Variants in ZNF521 observed in about 807,000 individuals in gnomAD.
The protein encoded by ZNF521 is zinc finger protein 521, also known as LYST-interacting protein 3.
In ZNF521, 14 loss-of-function variants were observed where a neutral mutation model predicts 105.5. That is an observed-to-expected ratio of 0.13 (90% CI 0.09 to 0.21). ZNF521 has a LOEUF of 0.21. Among genes scored for constraint, ZNF521 ranks in the 10% least tolerant of loss-of-function variants. ZNF521 has a pLI of 1.00. For synonymous variants in ZNF521, 635 were observed against 606.0 expected, an observed-to-expected ratio of 1.05 and a Z score of -0.70; for missense variants, 1,233 against 1,629.7, an observed-to-expected ratio of 0.76 and a Z score of 4.19.
chr18:25,313,052 G>A (rs895892726), intron 3 of ZNF521, among the ~76,000 whole-genome samples: 4 of 152,050 alleles, frequency 2.6e-5, no homozygotes, highest in East Asian at 3.9e-4. Context: ...GTACATTATC[G>A]TGCAGGAGAG....
intron 2 of ZNF521, among the ~76,000 whole-genome samples, chr18:25,335,801 G>T (rs1017602700): frequency 6.6e-6 from 1 of 152,172 alleles, no homozygotes. Flanking sequence ...TAAAAGAAAA[G>T]ATAGTGTCTA....
chr18:25,214,027 G>A (rs1176391451), intron 4 of ZNF521, among the ~76,000 whole-genome samples: 1 of 151,830 alleles, frequency 6.6e-6, no homozygotes, highest in Non-Finnish European at 1.5e-5. Context: ...ATACTGCTTG[G>A]TGAAATTTCA....
At chr18:25,080,159 T>G (rs1387369431) in intron 7 of ZNF521, among the ~76,000 whole-genome samples, 2 of 152,212 alleles carry the variant, frequency 1.3e-5, no homozygotes, top group Non-Finnish European at 2.9e-5. Context: ...TTGGCCCTCC[T>G]ATGGGAAAGC....
intron 3 of ZNF521, among the ~76,000 whole-genome samples, chr18:25,312,469 G>A (rs1600292069): frequency 6.6e-6 from 1 of 152,254 alleles, no homozygotes; most frequent in East Asian, 1.9e-4. Context: ...TGATTGAACT[G>A]ACCTTACCTC....
At chr18:25,116,870 C>CGT (rs1491466384) in intron 5 of ZNF521, among the ~76,000 whole-genome samples, 1 of 78,634 alleles carries the variant, frequency 1.3e-5, no homozygotes, top group African/African-American at 5.1e-5. Context: ...TATATATATA[C>CGT]GTATATATAT....
intron 5 of ZNF521, among the ~76,000 whole-genome samples, chr18:25,127,455 T>C (rs926673445): frequency 2.0e-5 from 3 of 152,008 alleles, no homozygotes; most frequent in Admixed American, 6.6e-5. Flanking sequence ...ATAATAACTT[T>C]AGGATGTTAG....
chr18:25,221,162 C>A (rs934198302), intron 4 of ZNF521, among the ~76,000 whole-genome samples: 1 of 152,130 alleles, frequency 6.6e-6, no homozygotes, highest in Non-Finnish European at 1.5e-5. Context: ...ACAAAGAAAA[C>A]ATTTTTCACA....
intron 4 of ZNF521, among the ~76,000 whole-genome samples, chr18:25,200,494 T>C (rs1032622636): frequency 6.6e-6 from 1 of 152,118 alleles, no homozygotes; most frequent in Admixed American, 6.6e-5. Flanking sequence ...CTCACTTATG[T>C]ACTCAATTCT....
intron 3 of ZNF521, among the ~76,000 whole-genome samples, chr18:25,318,943 GAAAAAAAAGAAAA>G (rs150761555): frequency 0.26 from 36,044 of 136,570 alleles, 4,943 homozygotes; most frequent in South Asian, 0.39. Flanking sequence ...AGAACCAGGA[GAAAAAAAAGAAAA>G]AAAAAAAAGA....
intron 5 of ZNF521, among the ~76,000 whole-genome samples, chr18:25,149,330 T>C (rs768252082): frequency 1.3e-5 from 2 of 152,214 alleles, no homozygotes; most frequent in Non-Finnish European, 2.9e-5. Context: ...TCTTTCCTCA[T>C]AGAACTTTCC....
intron 3 of ZNF521, among the ~76,000 whole-genome samples, chr18:25,272,350 G>A (rs753697818): frequency 6.6e-6 from 1 of 152,204 alleles, no homozygotes; most frequent in Non-Finnish European, 1.5e-5. Context: ...GGAAGACAGT[G>A]TAGCGATTCC....
intron 2 of ZNF521, among the ~76,000 whole-genome samples, chr18:25,341,107 G>A (rs1215902499): frequency 6.6e-6 from 1 of 152,048 alleles, no homozygotes; most frequent in Non-Finnish European, 1.5e-5. Flanking sequence ...AGACCATCAA[G>A]ACACCCAATA....
chr18:25,260,132 C>T (rs546334923), intron 3 of ZNF521, among the ~76,000 whole-genome samples: 1 of 152,172 alleles, frequency 6.6e-6, no homozygotes, highest in African/African-American at 2.4e-5. Context: ...TCCAAGACAA[C>T]ATAATAGTAA....
Position 25,350,821 on chromosome 18 carries a change from G to C in ZNF521, c.40+86C>G, listed in dbSNP as rs1044583346. The C allele has an allele frequency of 1.4e-5, 20 of 1,451,092 alleles. No individual in the cohort carries two copies. The Admixed American group carries it at 2.6e-4, about 19-fold the overall frequency. 89.9% of individuals were successfully genotyped at this position (1,451,092 alleles called of 1,614,324 possible). A position where few individuals can be genotyped will look rare whatever the true frequency, so the allele number is the denominator to read the frequency against. On this transcript the variant is annotated intron_variant, in intron 2 of 7. Transcript: ENST00000361524. The stretch of plus-strand genomic sequence containing the variant: ...CACACTCACACTCACGCGCGCACAC[G>C]CCTCGCAGCCACGCAGCCCTCGCTC...
intron 3 of ZNF521, among the ~76,000 whole-genome samples, chr18:25,320,852 G>C (rs538683012): frequency 2.2e-4 from 33 of 152,170 alleles, no homozygotes; most frequent in African/African-American, 7.9e-4. Context: ...AATGTTTATG[G>C]GTTTTCTGAA....
At chr18:25,119,324 C>G (rs4508490) in intron 5 of ZNF521, among the ~76,000 whole-genome samples, 1 of 152,078 alleles carries the variant, frequency 6.6e-6, no homozygotes, top group Non-Finnish European at 1.5e-5. Flanking sequence ...CTTGACCTAA[C>G]TGATAGCTAC....
chr18:25,351,967 A>AG, intron 1 of ZNF521, 38 bp downstream of exon 1: 1 of 366,748 alleles, frequency 2.7e-6, no homozygotes, highest in Non-Finnish European at 5.6e-6. Flanking sequence ...CAGGAGGAGG[A>AG]GAAGGAGTGT....
intron 3 of ZNF521, among the ~76,000 whole-genome samples, chr18:25,307,070 C>T (rs1031328153): frequency 6.6e-6 from 1 of 152,242 alleles, no homozygotes; most frequent in Admixed American, 6.5e-5. Flanking sequence ...AGAGACACAA[C>T]TAATCAATTA....
intron 5 of ZNF521, among the ~76,000 whole-genome samples, chr18:25,118,916 A>C (rs1191322619): frequency 1.3e-5 from 2 of 152,154 alleles, no homozygotes; most frequent in African/African-American, 4.8e-5. Context: ...AGTTGAAAGC[A>C]AATGGATGGA....
Sources: gnomAD v4.1 joint callset for allele counts (sites outside exome capture counted in the v4.1 genomes callset) on GRCh38, gnomAD v4.1.1 for gene constraint, MANE v1.5 for transcripts, NCBI Gene and HGNC (gene_info 2026-07-23, HGNC 2026-07-21) for gene names.